The following GLS variants were observed in gnomAD, a reference collection of about 807,000 sequenced individuals.
The protein encoded by GLS is glutaminase.
A neutral mutation model predicts 86.7 loss-of-function variants in GLS; 36 were observed. That is an observed-to-expected ratio of 0.42 (90% CI 0.32 to 0.55). GLS has a LOEUF of 0.55. Ranked by LOEUF, GLS falls within the 20% of genes least tolerant of loss-of-function variation. The probability of loss-of-function intolerance (pLI) is 0.17; values close to 1 mark genes in which losing one functional copy is unlikely to be tolerated. For synonymous variants in GLS, 317 were observed against 305.9 expected (o/e 1.04, Z -0.38); for missense variants, 528 against 833.4 (o/e 0.63, Z 4.51).
chr2:190,896,536 T>C (rs986337527), intron 3 of GLS: 1 of 152,240 alleles, frequency 6.6e-6, no homozygotes, highest in Non-Finnish European at 1.5e-5. Flanking sequence ...AAGTTTGTTA[T>C]GTATGGTTGT....
chr2:190,901,264 C>T (rs1176445957), intron 4 of GLS, among the ~76,000 whole-genome samples: 1 of 151,876 alleles, frequency 6.6e-6, no homozygotes, highest in Non-Finnish European at 1.5e-5. Context: ...TCTATTAACA[C>T]ATTTTGTATA....
chr2:190,923,771 C>CT (rs1439239035), intron 9 of GLS, 146 bp from the exon 10 acceptor site: 1 of 575,896 alleles, frequency 1.7e-6, no homozygotes. Flanking sequence ...ACACAAATAG[C>CT]CTATTGACAG....
At chr2:190,944,054 T>A (rs1517356) in intron 14 of GLS, among the ~76,000 whole-genome samples, 2 of 152,086 alleles carry the variant, frequency 1.3e-5, no homozygotes, top group Admixed American at 1.3e-4. Context: ...ACCATAATTC[T>A]TCCTGTATGA....
In GLS at chr2:190,947,605, G is replaced by A. The variant is rs544368444; in HGVS notation, c.1651-5960G>A. 3.3e-5 allele frequency among the ~76,000 whole-genome samples: 5 copies of A among 152,254 alleles called. No homozygotes were observed. Among genetic ancestry groups the A allele is most frequent in the African/African-American group, 1.2e-4 (5 of 41,546 alleles). The stretch of plus-strand genomic sequence containing the variant: ...ATAGCTATTATTGCGGCTGTGTATA[G>A]TCTGTTTCTTTATAGTAAGGAATTA... On this transcript the variant is annotated intron_variant, in intron 14 of 17. Transcript: ENST00000320717. This position sits in a 1 kb window ranked among gnomAD's most constrained non-coding sequence, Gnocchi z 5.0.
In GLS at chr2:190,913,719, A is replaced by G. The variant is rs1416544502; in HGVS notation, c.1038+3398A>G. 2 of 974,394 alleles carry G rather than the reference A, an allele frequency of 2.1e-6. No homozygotes were observed. The highest frequency in any genetic ancestry group is 2.4e-6 in the Non-Finnish European group (2 of 820,024). 60.4% of individuals were successfully genotyped at this position (974,394 alleles called of 1,614,324 possible). On this transcript the variant is annotated intron_variant, in intron 7 of 17. Coordinates refer to ENST00000320717, the MANE Select transcript of GLS (RefSeq NM_014905.5). This position sits in a 1 kb window ranked among gnomAD's most constrained non-coding sequence, Gnocchi z 6.1. ...GGAAAATGAGGACAACATACTGCAA[A>G]ATAATTGCCACACTTAATGCTTTTT... is the stretch of plus-strand genomic sequence containing the variant.
At chr2:190,899,429 A>G (rs1261727159) in intron 3 of GLS, among the ~76,000 whole-genome samples, 1 of 152,078 alleles carries the variant, frequency 6.6e-6, no homozygotes, top group Non-Finnish European at 1.5e-5. Context: ...AGTATATATT[A>G]TTCTGAATTC....
chr2:190,917,042 G>A (rs6713444), intron 7 of GLS, among the ~76,000 whole-genome samples: 74,113 of 151,952 alleles, frequency 0.49, 20,212 homozygotes, highest in Non-Finnish European at 0.62. Flanking sequence ...AAAATAAGAC[G>A]ACAATGAAGT....
rs572172899 is a variant in GLS at position 190,932,844 on chromosome 2, T to C, written c.1650+1207T>C. ...CAACTGTAGTATATAGAATGGAAAG[T>C]CTGGGAGAGAAAAGCTAAAGAAATG... is the stretch of plus-strand genomic sequence containing the variant. On this transcript the variant is annotated intron_variant, in intron 14 of 17. Transcript: ENST00000320717. The C allele has an allele frequency of 3.2e-6, 5 of 1,539,830 alleles. No homozygotes were observed. In the South Asian group the frequency reaches 5.2e-5, roughly 16 times the overall value.
chr2:190,925,996 A>G (rs1315452825), intron 11 of GLS, among the ~76,000 whole-genome samples: 2 of 152,070 alleles, frequency 1.3e-5, no homozygotes, highest in South Asian at 2.1e-4. Flanking sequence ...TTTGGAATAC[A>G]TATTTAAATT....
At position 190,895,144 on chromosome 2, in the gene GLS, C is replaced by T; in HGVS notation, c.387-8C>T. The T allele has an allele frequency of 8.1e-7, 1 of 1,234,846 alleles. No homozygotes were observed. The highest frequency in any genetic ancestry group is 1.2e-6 in the Non-Finnish European group (1 of 850,056). 76.5% of individuals were successfully genotyped at this position (1,234,846 alleles called of 1,614,324 possible). The stretch of plus-strand genomic sequence containing the variant: ...AGGATTAATTTTGTGTTCTTTCTAC[C>T]TCTTTAGTAAAATAAAACAGGGTCT... On this transcript the variant is annotated splice_polypyrimidine_tract_variant and splice_region_variant and intron_variant, in intron 1 of 17. Transcript: ENST00000320717. This position sits in a 1 kb window ranked among gnomAD's most constrained non-coding sequence, Gnocchi z 4.2.
intron 9 of GLS, among the ~76,000 whole-genome samples, chr2:190,922,650 G>A (rs989092575): frequency 1.3e-5 from 2 of 152,116 alleles, no homozygotes; most frequent in Admixed American, 1.3e-4. Flanking sequence ...CTATGTGTCA[G>A]TCACTGTGAT....
intron 1 of GLS, among the ~76,000 whole-genome samples, chr2:190,893,990 A>G (rs1326920914): frequency 1.3e-5 from 2 of 152,232 alleles, no homozygotes; most frequent in Non-Finnish European, 2.9e-5. Flanking sequence ...ATGTGTTTTT[A>G]AAAAACATTT....
chr2:190,914,576 T>C lies in GLS; in HGVS notation c.1038+4255T>C, dbSNP rs949315469. ...AGTGTCTTATTTTTTATTTTCCTAA[T>C]ACTCTTTAGCTTTAAACCATTTTCT... On this transcript the variant is annotated intron_variant, in intron 7 of 17. Transcript: ENST00000320717. This position sits in a 1 kb window ranked among gnomAD's most constrained non-coding sequence, Gnocchi z 4.4. Among the ~76,000 whole-genome samples the C allele has an allele frequency of 3.3e-5, 5 of 152,142 alleles. No individual in the cohort carries two copies. The highest frequency in any genetic ancestry group is 3.3e-4 in the Admixed American group (5 of 15,278).
At chr2:190,884,670 G>A (rs937915681) in intron 1 of GLS, among the ~76,000 whole-genome samples, 4 of 152,020 alleles carry the variant, frequency 2.6e-5, no homozygotes, top group Non-Finnish European at 4.4e-5. Flanking sequence ...TTTTTTATTT[G>A]GACATTTATT....
chr2:190,921,325 A>C lies in GLS; in HGVS notation c.1130+122A>C, dbSNP rs1689729882. Reference sequence around the variant, plus strand: ...AAATTACCTGACAGAAACACTTAAAAATACTTTAAATAGTTTTGACAAATT... The same window carrying C: ...AAATTACCTGACAGAAACACTTAAACATACTTTAAATAGTTTTGACAAATT... On this transcript the variant is annotated intron_variant, in intron 9 of 17. Transcript: ENST00000320717. This position sits in a 1 kb window ranked among gnomAD's most constrained non-coding sequence, Gnocchi z 4.2. 1 of 727,566 alleles carries C rather than the reference A, an allele frequency of 1.4e-6. No individual in the cohort carries two copies. Among genetic ancestry groups the C allele is most frequent in the Non-Finnish European group, 2.4e-6 (1 of 421,522 alleles). 45.1% of individuals were successfully genotyped at this position (727,566 alleles called of 1,614,324 possible).
chr2:190,908,802 T>C (rs1054489919), intron 6 of GLS, among the ~76,000 whole-genome samples: 1 of 152,248 alleles, frequency 6.6e-6, no homozygotes, highest in Non-Finnish European at 1.5e-5. Context: ...AGCAATTACA[T>C]ACATCTGAAA....
Position 190,931,426 on chromosome 2 carries a change from T to C in GLS, c.1558-119T>C, listed in dbSNP as rs1690101861. 8.6e-6 allele frequency: 4 copies of C among 465,278 alleles called. No individual in the cohort carries two copies. In the East Asian group the frequency reaches 1.3e-4, roughly 16 times the overall value. The allele number at this position is 465,278 out of a possible 1,614,324, so 28.8% of individuals were successfully genotyped here. On this transcript the variant is annotated intron_variant, in intron 13 of 17. Coordinates refer to ENST00000320717, the MANE Select transcript of GLS (RefSeq NM_014905.5). ...CTCTTCTTGATGCATTATACTACTT[T>C]ATTAGCATGTAGTGATGATTTCTAG... is the stretch of plus-strand genomic sequence containing the variant.
At chr2:190,891,399 C>A in intron 1 of GLS, among the ~76,000 whole-genome samples, 1 of 150,080 alleles carries the variant, frequency 6.7e-6, no homozygotes. Flanking sequence ...TCCTGTGAAA[C>A]AATTGAAATG....
At position 190,955,308 on chromosome 2, in the gene GLS, G is replaced by T. The variant is rs544326465; in HGVS notation, c.1853+490G>T. Among the ~76,000 whole-genome samples, 2 of 152,212 alleles carry T rather than the reference G, an allele frequency of 1.3e-5. No individual in the cohort carries two copies. Among genetic ancestry groups the T allele is most frequent in the Admixed American group, 1.3e-4 (2 of 15,290 alleles). ...CTGACCCCCAAACAGGCCCTGGTGT[G>T]TGATGTTCCCCTCCCTGTGTCCATG... On this transcript the variant is annotated intron_variant, in intron 17 of 17. Coordinates refer to ENST00000320717, the MANE Select transcript of GLS (RefSeq NM_014905.5). The surrounding 1 kb of genome is among the most constrained non-coding windows in gnomAD (Gnocchi z 5.6).
Sources: allele counts gnomAD v4.1 joint callset (sites outside exome capture counted in the v4.1 genomes callset), GRCh38; gene constraint gnomAD v4.1.1; non-coding constraint Gnocchi (gnomAD v3.1); transcripts MANE v1.5; gene names NCBI Gene and HGNC (gene_info 2026-07-23, HGNC 2026-07-21).